The following SNRK variants were observed in gnomAD, a reference collection of about 807,000 sequenced individuals.
SNRK encodes SNF-related serine/threonine-protein kinase.
SNRK carries 3 observed loss-of-function variants against 48.2 expected under a neutral mutation model. The ratio of observed to expected loss-of-function variants is 0.06; its 90% CI spans 0.03 to 0.16. The LOEUF (loss-of-function observed/expected upper bound fraction) is 0.16, where lower values mean the gene tolerates loss of function less well. Among genes scored for constraint, SNRK ranks in the 10% least tolerant of loss-of-function variants. SNRK has a pLI of 1.00. For synonymous variants in SNRK, 376 were observed against 366.1 expected, an observed-to-expected ratio of 1.03 and a Z score of -0.31; for missense variants, 627 against 976.0, an observed-to-expected ratio of 0.64 and a Z score of 4.76.
intron 5 of SNRK, 165 bp downstream of exon 5, chr3:43,340,664 G>T: frequency 1.6e-6 from 1 of 641,554 alleles, no homozygotes. Flanking sequence ...GCCTGACACA[G>T]GTTTTTTTTG....
chr3:43,321,600 G>C (rs900353406), intron 3 of SNRK, among the ~76,000 whole-genome samples: 1 of 152,002 alleles, frequency 6.6e-6, no homozygotes, highest in African/African-American at 2.4e-5. Flanking sequence ...CGTATTTCCA[G>C]CTGTCAGCTG....
chr3:43,347,314 TC>T lies in SNRK; in HGVS notation c.1080-19del. 3 of 1,524,562 alleles carry T rather than the reference TC, an allele frequency of 2.0e-6. No homozygotes were observed. Among genetic ancestry groups the T allele is most frequent in the Non-Finnish European group, 8.8e-7 (1 of 1,137,666 alleles). 94.4% of individuals were successfully genotyped at this position (1,524,562 alleles called of 1,614,324 possible). ...CTGCATAATGATTATATGGCTTTTT[TC>T]CCCCCAATCTATCTGTTACATAGGC... On this transcript the variant is annotated intron_variant, in intron 6 of 6. Coordinates refer to ENST00000296088, the MANE Select transcript of SNRK (RefSeq NM_017719.5). The surrounding 1 kb of genome is among the most constrained non-coding windows in gnomAD (Gnocchi z 5.4).
chr3:43,338,315 A>G (rs917336632), intron 4 of SNRK, among the ~76,000 whole-genome samples: 2 of 152,232 alleles, frequency 1.3e-5, no homozygotes, highest in Non-Finnish European at 1.5e-5. Flanking sequence ...GAATGTCTTC[A>G]TGTTATTTAT....
intron 3 of SNRK, among the ~76,000 whole-genome samples, chr3:43,316,132 A>G (rs1440947990): frequency 6.6e-6 from 1 of 152,246 alleles, no homozygotes; most frequent in Non-Finnish European, 1.5e-5. Context: ...AAAGTATTTG[A>G]GCAGACTGAA....
chr3:43,340,310 G>A lies in SNRK; in HGVS notation c.755G>A (p.Arg252Lys), dbSNP rs532190761. ...CKDLITRMLQ[R>K]DPKRRASLEE... The stretch of plus-strand genomic sequence containing the variant: ...AGCCTAATCACACGGATGCTACAGA[G>A]AGATCCCAAGAGAAGGGCTTCTTTA... The change falls in exon 5 of 7, where the codon AGA becomes AAA. Residue 252 changes from arginine (R) to lysine (K), a missense_variant. Transcript: ENST00000296088. 3 of 1,614,124 alleles carry A rather than the reference G, an allele frequency of 1.9e-6. No homozygotes were observed. The highest frequency in any genetic ancestry group is 2.7e-5 in the African/African-American group (2 of 75,024).
At chr3:43,338,474 C>T (rs766363653) in intron 4 of SNRK, among the ~76,000 whole-genome samples, 4 of 152,216 alleles carry the variant, frequency 2.6e-5, no homozygotes, top group Non-Finnish European at 5.9e-5. Context: ...CTTGTCTCCA[C>T]GTAGGTGTCC....
chr3:43,296,876 C>A (rs1476239144), intron 1 of SNRK, among the ~76,000 whole-genome samples: 1 of 152,216 alleles, frequency 6.6e-6, no homozygotes, highest in East Asian at 1.9e-4. Context: ...CCTTCCTCTT[C>A]TCCAGCCACA....
At chr3:43,331,812 A>G (rs2091148529) in intron 3 of SNRK, among the ~76,000 whole-genome samples, 1 of 152,134 alleles carries the variant, frequency 6.6e-6, no homozygotes, top group Non-Finnish European at 1.5e-5. Flanking sequence ...GAGTATTAAT[A>G]TATTAGTTTT....
chr3:43,302,438 G>C (rs1416175565), intron 2 of SNRK, among the ~76,000 whole-genome samples: 1 of 151,918 alleles, frequency 6.6e-6, no homozygotes, highest in Non-Finnish European at 1.5e-5. Flanking sequence ...TAGGTGTTGG[G>C]GGAAAGTAGA....
Position 43,303,650 on chromosome 3 carries a change from A to G in SNRK, c.447A>G (p.Glu149=), listed in dbSNP as rs777262553. 4 of 1,614,222 alleles carry G rather than the reference A, an allele frequency of 2.5e-6. No individual in the cohort carries two copies. Among genetic ancestry groups the G allele is most frequent in the Non-Finnish European group, 3.4e-6 (4 of 1,180,026 alleles). ...AACCAGAGAATGTAGTCTTCTTTGA[A>G]AAACAAGGTCTTGTAAAGTTGACAG... The part of the protein sequence containing the change: ...DLKPENVVFF[E]KQGLVKLTDF... Residue 149 remains glutamate (E), a synonymous_variant, in exon 3 of 7, where the codon GAA becomes GAG. Coordinates refer to ENST00000296088, the MANE Select transcript of SNRK (RefSeq NM_017719.5). This position sits in a 1 kb window ranked among gnomAD's most constrained non-coding sequence, Gnocchi z 6.2.
intron 1 of SNRK, among the ~76,000 whole-genome samples, chr3:43,295,089 A>G (rs2090842374): frequency 1.3e-5 from 2 of 152,312 alleles, no homozygotes; most frequent in South Asian, 2.1e-4. Flanking sequence ...ATTTTTCATC[A>G]CTTTGACCAA....
chr3:43,289,452 G>A (rs192159370), intron 1 of SNRK, among the ~76,000 whole-genome samples: 1 of 152,264 alleles, frequency 6.6e-6, no homozygotes, highest in East Asian at 1.9e-4. Context: ...TGGAGGAGAA[G>A]GATTTTGGTG....
chr3:43,328,453 C>G lies in SNRK; in HGVS notation c.590-3716C>G, dbSNP rs569679998. Among the ~76,000 whole-genome samples, 338 of 152,184 alleles carry G rather than the reference C, an allele frequency of 2.2e-3. 1 individual carries two copies. Among genetic ancestry groups the G allele is most frequent in the Non-Finnish European group, 3.7e-3 (255 of 68,026 alleles). On this transcript the variant is annotated intron_variant, in intron 3 of 6. Coordinates refer to ENST00000296088, the MANE Select transcript of SNRK (RefSeq NM_017719.5). ...CAGATGTGGTTTAGCACACTGTGGA[C>G]TCAAATTCCTGGGTTCAAGTGATCC... is the stretch of plus-strand genomic sequence containing the variant.
At chr3:43,288,160 G>A (rs951269675) in intron 1 of SNRK, among the ~76,000 whole-genome samples, 2 of 151,988 alleles carry the variant, frequency 1.3e-5, no homozygotes, top group African/African-American at 2.4e-5. Context: ...TAGAAAGTCA[G>A]GTGCACAGTG....
chr3:43,286,822 TCGGCGCCGGCCGCAGCG>T (rs888218757), intron 1 of SNRK, 147 bp downstream of exon 1: 2 of 144,978 alleles, frequency 1.4e-5, no homozygotes, highest in Non-Finnish European at 3.1e-5. Flanking sequence ...AGTTGCGCTC[TCGGCGCCGGCCGCAGCG>T]CGCGGCCCGG....
chr3:43,324,570 T>C (rs1403927288), intron 3 of SNRK, among the ~76,000 whole-genome samples: 3 of 151,790 alleles, frequency 2.0e-5, no homozygotes, highest in South Asian at 2.1e-4. Context: ...TTTCATAATC[T>C]GAAAGAAGTA....
At chr3:43,304,025 A>G (rs1211114756) in intron 3 of SNRK, among the ~76,000 whole-genome samples, 2 of 152,198 alleles carry the variant, frequency 1.3e-5, no homozygotes, top group African/African-American at 2.4e-5. Flanking sequence ...TGAGTAAGTT[A>G]TCATTTAAAG....
In SNRK at chr3:43,350,597, TTGGGGTATACAAATGTCAGTC is replaced by T. The variant is rs2091315639; in HGVS notation, c.*2043_*2063del. The T allele has an allele frequency of 6.6e-6, 1 of 152,568 alleles. No individual in the cohort carries two copies. Among genetic ancestry groups the T allele is most frequent in the African/African-American group, 2.4e-5 (1 of 41,450 alleles). The allele number at this position is 152,568 out of a possible 1,614,324, so 9.5% of individuals were successfully genotyped here. On this transcript the variant is annotated 3_prime_UTR_variant, in exon 7 of 7. Transcript: ENST00000296088. The stretch of plus-strand genomic sequence containing the variant: ...GCCTTATTAGTTGTGTGGTTGACCC[TTGGGGTATACAAATGTCAGTC>T]TGAGTGGTGTCTTACTCCTTTGTTT...
rs905642247 is a variant in SNRK at position 43,347,022 on chromosome 3, T to C, written c.1080-317T>C. The stretch of plus-strand genomic sequence containing the variant: ...GGTTTTGCTTTGCCAATAACCTCCA[T>C]GGGCTTCTAAAAAATGTTTAGTATA... On this transcript the variant is annotated intron_variant, in intron 6 of 6. Coordinates refer to ENST00000296088, the MANE Select transcript of SNRK (RefSeq NM_017719.5). This position sits in a 1 kb window ranked among gnomAD's most constrained non-coding sequence, Gnocchi z 5.4. 1.3e-5 allele frequency: 3 copies of C among 225,974 alleles called. No homozygotes were observed. Among genetic ancestry groups the C allele is most frequent in the Non-Finnish European group, 2.6e-5 (3 of 115,342 alleles). 14.0% of individuals were successfully genotyped at this position (225,974 alleles called of 1,614,324 possible).
Sources: gnomAD v4.1 joint callset for allele counts (sites outside exome capture counted in the v4.1 genomes callset) on GRCh38, gnomAD v4.1.1 for gene constraint, Gnocchi (gnomAD v3.1) non-coding constraint, MANE v1.5 for transcripts, NCBI Gene and HGNC (gene_info 2026-07-23, HGNC 2026-07-21) for gene names.